STAU2: variants seen among roughly 807,000 people sequenced by gnomAD.
STAU2 encodes the protein double-stranded RNA-binding protein Staufen homolog 2.
A neutral mutation model predicts 65.9 loss-of-function variants in STAU2; 20 were observed. That is an observed-to-expected ratio of 0.30 (90% CI 0.21 to 0.44). The LOEUF is 0.44. Among genes scored for constraint, STAU2 ranks in the 20% least tolerant of loss-of-function variants. The pLI is 1.00. For synonymous variants in STAU2, 232 were observed against 233.9 expected (o/e 0.99, Z 0.07); for missense variants, 558 against 683.9 (o/e 0.82, Z 2.05).
chr8:73,651,147 C>A, intron 6 of STAU2: 2 of 1,275,182 alleles, frequency 1.6e-6, no homozygotes, highest in Non-Finnish European at 2.2e-6. Context: ...TGGGGAGCCT[C>A]CCTGGCCCGG....
At chr8:73,647,010 T>C (rs937635843) in intron 6 of STAU2, among the ~76,000 whole-genome samples, 5 of 149,646 alleles carry the variant, frequency 3.3e-5, no homozygotes, top group Non-Finnish European at 5.9e-5. Context: ...ATTATGGAAA[T>C]GTCAAATTAA....
At chr8:73,596,623 A>T (rs889130657) in intron 10 of STAU2, among the ~76,000 whole-genome samples, 1 of 152,102 alleles carries the variant, frequency 6.6e-6, no homozygotes, top group Non-Finnish European at 1.5e-5. Flanking sequence ...CAACACTAGG[A>T]GGATTGTTTG....
chr8:73,517,955 C>T (rs1407151634), intron 13 of STAU2, among the ~76,000 whole-genome samples: 1 of 152,110 alleles, frequency 6.6e-6, no homozygotes, highest in East Asian at 1.9e-4. Flanking sequence ...TCCCCTATAA[C>T]TCACTGTTGG....
intron 13 of STAU2, among the ~76,000 whole-genome samples, chr8:73,529,376 T>C (rs760326431): frequency 1.1e-4 from 16 of 152,216 alleles, no homozygotes; most frequent in Non-Finnish European, 2.9e-5. Context: ...ATGTCTGATA[T>C]AGTGCTATTA....
At chr8:73,675,721 G>A (rs1286368790) in intron 5 of STAU2, 5 of 152,148 alleles carry the variant, frequency 3.3e-5, no homozygotes, top group African/African-American at 4.8e-5. Context: ...GAAAGACTGA[G>A]GAACTGTTTG....
chr8:73,543,711 C>T (rs962319256), intron 13 of STAU2, among the ~76,000 whole-genome samples: 9 of 152,146 alleles, frequency 5.9e-5, no homozygotes, highest in Admixed American at 2.0e-4. Flanking sequence ...AGTGCCAAGT[C>T]GTGTACCTGG....
intron 12 of STAU2, among the ~76,000 whole-genome samples, chr8:73,571,552 A>G (rs1183579923): frequency 1.3e-5 from 2 of 152,364 alleles, no homozygotes; most frequent in African/African-American, 4.8e-5. Context: ...ACTGTCTCTC[A>G]GACCACAGTG....
chr8:73,425,509 T>C (rs148867656), intron 13 of STAU2, among the ~76,000 whole-genome samples: 2 of 152,234 alleles, frequency 1.3e-5, no homozygotes, highest in Non-Finnish European at 2.9e-5. Context: ...CCTCCAGAAC[T>C]GTGAGACAAT....
intron 13 of STAU2, among the ~76,000 whole-genome samples, chr8:73,434,814 C>T (rs1817575833): frequency 6.6e-6 from 1 of 151,878 alleles, no homozygotes; most frequent in Non-Finnish European, 1.5e-5. Context: ...ATTCCTTCAG[C>T]CCATTGCTCT....
At chr8:73,572,702 T>C (rs2128956603) in intron 12 of STAU2, among the ~76,000 whole-genome samples, 1 of 152,320 alleles carries the variant, frequency 6.6e-6, no homozygotes, top group South Asian at 2.1e-4. Flanking sequence ...CAACAGCCCT[T>C]CATGCTAAAA....
Position 73,714,090 on chromosome 8 carries a change from A to G in STAU2, c.-17-4928T>C, listed in dbSNP as rs558317894. Among the ~76,000 whole-genome samples the G allele has an allele frequency of 3.0e-4, 45 of 151,738 alleles. No homozygotes were observed. The South Asian group carries it at 8.8e-3, about 30-fold the overall frequency. Reference sequence around the variant, plus strand: ...AGCTAATTTTGTTTTTTTAGTAGAGACGGGGTTTCTCCATATTGGTCACGC... The same window carrying G: ...AGCTAATTTTGTTTTTTTAGTAGAGGCGGGGTTTCTCCATATTGGTCACGC... On this transcript the variant is annotated intron_variant, in intron 3 of 14. Transcript: ENST00000524300.
intron 11 of STAU2, among the ~76,000 whole-genome samples, chr8:73,594,907 T>C (rs1811074707): frequency 6.6e-6 from 1 of 152,194 alleles, no homozygotes; most frequent in Admixed American, 6.5e-5. Context: ...AGTCAACAAG[T>C]TAAAAATGTT....
chr8:73,665,861 C>T (rs945891262), intron 6 of STAU2, among the ~76,000 whole-genome samples: 9 of 152,050 alleles, frequency 5.9e-5, no homozygotes, highest in Non-Finnish European at 4.4e-5. Flanking sequence ...TTAATATTTG[C>T]ATATAACCTA....
At chr8:73,437,435 C>T (rs910813679) in intron 13 of STAU2, among the ~76,000 whole-genome samples, 18 of 152,260 alleles carry the variant, frequency 1.2e-4, no homozygotes, top group Admixed American at 1.1e-3. Context: ...CCCAGGAATG[C>T]AGTGGCCACT....
chr8:73,424,869 T>C (rs1392406406), intron 13 of STAU2, among the ~76,000 whole-genome samples: 3 of 151,956 alleles, frequency 2.0e-5, no homozygotes, highest in African/African-American at 7.2e-5. Context: ...TGAGTGCCCA[T>C]GCAGATCTGC....
At chr8:73,741,001 T>C (rs1446081495) in intron 1 of STAU2, among the ~76,000 whole-genome samples, 3 of 124,766 alleles carry the variant, frequency 2.4e-5, no homozygotes, top group Admixed American at 9.2e-5. Context: ...CAAGACTTCA[T>C]CTCAGAAAAA....
chr8:73,530,916 C>T (rs979768697), intron 13 of STAU2, among the ~76,000 whole-genome samples: 1 of 152,146 alleles, frequency 6.6e-6, no homozygotes, highest in Non-Finnish European at 1.5e-5. Flanking sequence ...GGCTGTCCCT[C>T]AGGGCCAGAG....
chr8:73,459,338 TA>T (rs1819225799), intron 13 of STAU2, among the ~76,000 whole-genome samples: 1 of 152,224 alleles, frequency 6.6e-6, no homozygotes, highest in Non-Finnish European at 1.5e-5. Flanking sequence ...CTATTTCAGA[TA>T]GGCTTTATTA....
At chr8:73,715,469 A>G (rs1007776508) in intron 3 of STAU2, among the ~76,000 whole-genome samples, 1 of 151,010 alleles carries the variant, frequency 6.6e-6, no homozygotes, top group Non-Finnish European at 1.5e-5. Flanking sequence ...AAAAAAAAGA[A>G]AGAAAGAAAG....
Sources: gnomAD v4.1 joint callset for allele counts (sites outside exome capture counted in the v4.1 genomes callset) on GRCh38, gnomAD v4.1.1 for gene constraint, MANE v1.5 for transcripts, NCBI Gene and HGNC (gene_info 2026-07-23, HGNC 2026-07-21) for gene names.